The following VGLL2 variants were observed in gnomAD, a reference collection of about 807,000 sequenced individuals.
VGLL2 encodes transcription cofactor vestigial-like protein 2.
In VGLL2, 18 loss-of-function variants were observed where a neutral mutation model predicts 27.0. That is an observed-to-expected ratio of 0.67 (90% CI 0.46 to 0.99). The LOEUF (loss-of-function observed/expected upper bound fraction) is 0.99, where lower values mean the gene tolerates loss of function less well. Among genes scored for constraint, VGLL2 ranks in the 50% least tolerant of loss-of-function variants. The pLI, the probability that VGLL2 is intolerant of heterozygous loss-of-function variation, is 0.00. For synonymous variants in VGLL2, 220 were observed against 201.1 expected (o/e 1.09, Z -0.80); for missense variants, 491 against 452.3 (o/e 1.09, Z -0.78).
rs1457933891 is a variant in VGLL2, at chr6:117,265,732, A to G, written c.-32A>G. 5.0e-6 allele frequency: 8 copies of G among 1,603,026 alleles called. No homozygotes were observed. The highest frequency in any genetic ancestry group is 6.8e-6 in the Non-Finnish European group (8 of 1,170,212). Reference sequence around the variant, plus strand: ...GCTCCGGGGAAGGAGAGTTAATGAAAAAACACTTAACCGTCTCCGCTGCGG... The same window carrying G: ...GCTCCGGGGAAGGAGAGTTAATGAAGAAACACTTAACCGTCTCCGCTGCGG... On this transcript the variant is annotated 5_prime_UTR_variant, in exon 1 of 4. Coordinates refer to ENST00000326274, the MANE Select transcript of VGLL2 (RefSeq NM_182645.3).
Position 117,265,610 on chromosome 6 carries a change from C to A in VGLL2, c.-154C>A, listed in dbSNP as rs890887106. The A allele has an allele frequency of 4.1e-5, 27 of 664,068 alleles. No homozygotes were observed. The highest frequency in any genetic ancestry group is 6.4e-5 in the Non-Finnish European group (24 of 372,186). The allele number at this position is 664,068 out of a possible 1,614,324, so 41.1% of individuals were successfully genotyped here. ...TAAAATCGCAGGAGTGGGAGGGTAG[C>A]GAGCCAGCTGGATTCCGAGCCGCGG... On this transcript the variant is annotated 5_prime_UTR_variant, in exon 1 of 4. Transcript: ENST00000326274.
rs184375552 is a variant in VGLL2, at chr6:117,272,143, T to C, written c.914-311T>C. Among the ~76,000 whole-genome samples the C allele has an allele frequency of 3.3e-4, 49 of 150,536 alleles. No homozygotes were observed. The East Asian group carries it at 8.4e-3, about 26-fold the overall frequency. ...TGTCCTTCTTTCCTTAAATATCTTG[T>C]GCCTTCCCTCCCCCATTCCTTCTTT... On this transcript the variant is annotated intron_variant, in intron 3 of 3. Coordinates refer to ENST00000326274, the MANE Select transcript of VGLL2 (RefSeq NM_182645.3).
rs745780473 is a variant in VGLL2 at position 117,265,729 on chromosome 6, GA to G, written c.-29del. 1.2e-5 allele frequency: 19 copies of G among 1,597,518 alleles called. No homozygotes were observed. In the East Asian group the frequency reaches 1.3e-4, roughly 11 times the overall value. On this transcript the variant is annotated 5_prime_UTR_variant, in exon 1 of 4. An upstream open reading frame in the 5' UTR gains an earlier in-frame stop. Coordinates refer to ENST00000326274, the MANE Select transcript of VGLL2 (RefSeq NM_182645.3). ...TGAGCTCCGGGGAAGGAGAGTTAAT[GA>G]AAAAACACTTAACCGTCTCCGCTGC... is the stretch of plus-strand genomic sequence containing the variant.
Position 117,272,624 on chromosome 6 carries a change from A to C in VGLL2, c.*130A>C. 7.9e-7 allele frequency: 1 copy of C among 1,266,430 alleles called. No homozygotes were observed. The highest frequency in any genetic ancestry group is 1.4e-5 in the South Asian group (1 of 71,264). The allele number at this position is 1,266,430 out of a possible 1,614,324, so 78.4% of individuals were successfully genotyped here. ...ACTTCAGACTTCTCAGTGTGTTGGG[A>C]AAACCAAAAACCACAACTACAGAAA... is the stretch of plus-strand genomic sequence containing the variant. On this transcript the variant is annotated 3_prime_UTR_variant, in exon 4 of 4. Transcript: ENST00000326274.
In VGLL2 at chr6:117,268,246, G is replaced by T. The variant is rs1053526822; in HGVS notation, c.146G>T (p.Gly49Val). Residue 49 changes from glycine (G) to valine (V), a missense_variant, in exon 2 of 4, where the codon GGC becomes GTC. Gly to Val is a moderately radical substitution (Grantham distance 109). Transcript: ENST00000326274. ...QECNASPSSS[G>V]SGSSSFSSQT... ...TGCAATGCCAGCCCCAGCAGCAGTG[G>T]CAGCGGCAGCTCCTCATTTTCCAGC... is the stretch of plus-strand genomic sequence containing the variant. The T allele has an allele frequency of 1.1e-5, 18 of 1,614,040 alleles. No homozygotes were observed. The highest frequency in any genetic ancestry group is 1.5e-5 in the Non-Finnish European group (18 of 1,180,032).
chr6:117,266,170 A>C (rs895161293), intron 1 of VGLL2, among the ~76,000 whole-genome samples: 7 of 152,202 alleles, frequency 4.6e-5, no homozygotes, highest in Non-Finnish European at 2.9e-5. Flanking sequence ...AGCCAGGTGC[A>C]GGTACCAGGA....
rs555964935 is a variant in VGLL2 at position 117,270,329 on chromosome 6, T to C, written c.392-214T>C. 7.2e-5 allele frequency among the ~76,000 whole-genome samples: 11 copies of C among 152,006 alleles called. No individual in the cohort carries two copies. The South Asian group carries it at 2.1e-3, about 29-fold the overall frequency. ...TTCCCAGAAGCCCCCATTTTGCAGT[T>C]CCCCCACCTCGCTTTCACAGGTTGC... On this transcript the variant is annotated intron_variant, in intron 2 of 3. Transcript: ENST00000326274.
At chr6:117,265,971 G>C in intron 1 of VGLL2, 127 bp downstream of exon 1, 1 of 836,024 alleles carries the variant, frequency 1.2e-6, no homozygotes, top group Non-Finnish European at 2.0e-6. Context: ...GGCGCAGCCG[G>C]GATGCGGGGA....
rs372203254 is a variant in VGLL2 at position 117,265,841 on chromosome 6, C to T, written c.78C>T (p.His26=). 1 of 1,613,898 alleles carries T rather than the reference C, an allele frequency of 6.2e-7. No homozygotes were observed. The change falls in exon 1 of 4, where the codon CAC becomes CAT. Residue 26 remains histidine (H), a synonymous_variant. Coordinates refer to ENST00000326274, the MANE Select transcript of VGLL2 (RefSeq NM_182645.3). ...TCGCAGCCGCCTACACCCCCTACCA[C>T]CAGGTACGTGTCTCCTCTGGGGACT... ...PYFAAAYTPY[H]QKLAYYSKMQ...
In VGLL2 at chr6:117,265,769, C is replaced by G; in HGVS notation, c.6C>G (p.Ser2Arg). Residue 2 changes from serine to arginine, a missense_variant, in exon 1 of 4, where the codon AGC (serine) becomes AGG (arginine). By Grantham distance (110) the Ser-to-Arg change is moderately radical. Transcript: ENST00000326274. M[S>R]CLDVMYQVYG... ...CGTCTCCGCTGCGGAGAGTCATGAGCTGTCTGGATGTTATGTACCAAGTCT... is the reference window on the plus strand; with the variant it reads ...CGTCTCCGCTGCGGAGAGTCATGAGGTGTCTGGATGTTATGTACCAAGTCT... The G allele has an allele frequency of 6.2e-7, 1 of 1,613,990 alleles. No individual in the cohort carries two copies. The highest frequency in any genetic ancestry group is 8.5e-7 in the Non-Finnish European group (1 of 1,179,848).
In VGLL2 at chr6:117,270,795, G is replaced by C; in HGVS notation, c.644G>C (p.Gly215Ala). 1 of 1,441,908 alleles carries C rather than the reference G, an allele frequency of 6.9e-7. No homozygotes were observed. The highest frequency in any genetic ancestry group is 9.1e-7 in the Non-Finnish European group (1 of 1,102,498). 89.3% of individuals were successfully genotyped at this position (1,441,908 alleles called of 1,614,324 possible). A position where few individuals can be genotyped will look rare whatever the true frequency, so the allele number is the denominator to read the frequency against. The change falls in exon 3 of 4, where the codon GGC becomes GCC. Residue 215 changes from glycine (G) to alanine (A), a missense_variant. Physicochemically the swap from Gly to Ala is moderately conservative, Grantham distance 60. Coordinates refer to ENST00000326274, the MANE Select transcript of VGLL2 (RefSeq NM_182645.3). ...CCCTACGCCCTGGGCGGCGCCCTCG[G>C]CGCCCAGGCCGCCCCCTACCCGCGC... ...HHPYALGGAL[G>A]AQAAPYPRPA...
At position 117,273,228 on chromosome 6, in the gene VGLL2, A is replaced by G. The variant is rs1025615309; in HGVS notation, c.*734A>G. ...TGCAATTGCACTGGGTATATTATAT[A>G]TATATATGTATGCATATATATCATA... On this transcript the variant is annotated 3_prime_UTR_variant, in exon 4 of 4. Transcript: ENST00000326274. The G allele has an allele frequency of 1.3e-5, 2 of 152,442 alleles. No individual in the cohort carries two copies. The highest frequency in any genetic ancestry group is 4.8e-5 in the African/African-American group (2 of 41,448). 9.4% of individuals were successfully genotyped at this position (152,442 alleles called of 1,614,324 possible). A position where few individuals can be genotyped will look rare whatever the true frequency, so the allele number is the denominator to read the frequency against.
rs755241715 is a variant in VGLL2 at position 117,270,633 on chromosome 6, C to T, written c.482C>T (p.Pro161Leu). The T allele has an allele frequency of 1.3e-6, 2 of 1,586,970 alleles. No individual in the cohort carries two copies. Among genetic ancestry groups the T allele is most frequent in the Non-Finnish European group, 1.7e-6 (2 of 1,172,146 alleles). The change falls in exon 3 of 4, where the codon CCT (proline) becomes CTT (leucine). Residue 161 changes from proline to leucine, a missense_variant. Coordinates refer to ENST00000326274, the MANE Select transcript of VGLL2 (RefSeq NM_182645.3). ...QAPVPPPLGSPLATAHSELPF... is the reference protein window; with the variant it reads ...QAPVPPPLGSLLATAHSELPF... ...CCAGTGCCCCCGCCGCTGGGCAGCC[C>T]TCTGGCCACCGCGCACTCGGAGCTG...
chr6:117,270,914 G>C lies in VGLL2; in HGVS notation c.763G>C (p.Ala255Pro), dbSNP rs1773180599. ...CGCCTCGGGGCGCCCGGCCCGCCTC[G>C]CAACCGCCCCGGCGCCCGCGCCCGG... ...PAASGRPARLATAPAPAPGSP... is the reference protein window; with the variant it reads ...PAASGRPARLPTAPAPAPGSP... The change falls in exon 3 of 4, where the codon GCA becomes CCA. Residue 255 changes from alanine to proline, a missense_variant. Coordinates refer to ENST00000326274, the MANE Select transcript of VGLL2 (RefSeq NM_182645.3). 1 of 1,250,196 alleles carries C rather than the reference G, an allele frequency of 8.0e-7. No homozygotes were observed. The highest frequency in any genetic ancestry group is 1.0e-6 in the Non-Finnish European group (1 of 1,002,960). The allele number at this position is 1,250,196 out of a possible 1,614,324, so 77.4% of individuals were successfully genotyped here.
intron 3 of VGLL2, chr6:117,272,232 C>G (rs529500358): frequency 1.2e-6 from 1 of 854,170 alleles, no homozygotes; most frequent in South Asian, 5.4e-5. Flanking sequence ...CCTTCTCCTT[C>G]TTCTTCTCTC....
intron 3 of VGLL2, chr6:117,272,193 C>T (rs1318668690): frequency 4.1e-6 from 2 of 493,058 alleles, no homozygotes; most frequent in Non-Finnish European, 5.2e-6. Context: ...CTTCCTCCTC[C>T]TCCTCTTCTT....
Position 117,270,897 on chromosome 6 carries a change from G to A in VGLL2, c.746G>A (p.Gly249Glu). Residue 249 changes from glycine (G) to glutamate (E), a missense_variant, in exon 3 of 4, where the codon GGG becomes GAG. By Grantham distance (98) the Gly-to-Glu change is moderately conservative. Coordinates refer to ENST00000326274, the MANE Select transcript of VGLL2 (RefSeq NM_182645.3). ...CCGCTGCTGATGCCAGCCGCCTCGG[G>A]GCGCCCGGCCCGCCTCGCAACCGCC... The part of the protein sequence containing the change: ...YGPLLMPAAS[G>E]RPARLATAPA... The A allele has an allele frequency of 3.9e-6, 5 of 1,277,440 alleles. No individual in the cohort carries two copies. The highest frequency in any genetic ancestry group is 3.0e-4 in the Middle Eastern group (1 of 3,308). 79.1% of individuals were successfully genotyped at this position (1,277,440 alleles called of 1,614,324 possible). A position where few individuals can be genotyped will look rare whatever the true frequency, so the allele number is the denominator to read the frequency against.
intron 3 of VGLL2, among the ~76,000 whole-genome samples, 153 bp downstream of exon 3, chr6:117,271,217 C>T (rs1179774797): frequency 6.6e-6 from 1 of 151,196 alleles, no homozygotes; most frequent in Non-Finnish European, 1.5e-5. Flanking sequence ...GATACATGGC[C>T]CTGTGCCATG....
Position 117,272,503 on chromosome 6 carries a change from C to A in VGLL2, c.*9C>A. The A allele has an allele frequency of 6.2e-7, 1 of 1,614,134 alleles. No homozygotes were observed. Among genetic ancestry groups the A allele is most frequent in the Non-Finnish European group, 8.5e-7 (1 of 1,180,028 alleles). Reference sequence around the variant, plus strand: ...CATCCCTCCTGAGCTGATCTGCTGACCCAGGGTTTCCCCTTCCCCTTCCCT... The same window carrying A: ...CATCCCTCCTGAGCTGATCTGCTGAACCAGGGTTTCCCCTTCCCCTTCCCT... On this transcript the variant is annotated 3_prime_UTR_variant, in exon 4 of 4. Coordinates refer to ENST00000326274, the MANE Select transcript of VGLL2 (RefSeq NM_182645.3).
Sources: allele counts gnomAD v4.1 joint callset (sites outside exome capture counted in the v4.1 genomes callset), GRCh38; gene constraint gnomAD v4.1.1; transcripts MANE v1.5; gene names NCBI Gene and HGNC (gene_info 2026-07-23, HGNC 2026-07-21).